PANK3: variants seen among roughly 807,000 people sequenced by gnomAD.
PANK3 encodes the protein hPanK3.
PANK3 carries 20 observed loss-of-function variants against 39.4 expected under a neutral mutation model. The ratio of observed to expected loss-of-function variants is 0.51; its 90% CI spans 0.36 to 0.74. The LOEUF is 0.74. PANK3 is among the 30% of genes least tolerant of loss of function. The pLI is 0.00. For synonymous variants in PANK3, 140 were observed against 157.3 expected (o/e 0.89, Z 0.82); for missense variants, 265 against 437.0 (o/e 0.61, Z 3.51).
At chr5:168,574,214 C>T (rs1469974705) in intron 1 of PANK3, among the ~76,000 whole-genome samples, 1 of 150,400 alleles carries the variant, frequency 6.6e-6, no homozygotes, top group East Asian at 1.9e-4. Context: ...GCCATTCTAA[C>T]TGGTGTGAGA....
At chr5:168,570,327 G>A (rs768925442) in intron 1 of PANK3, among the ~76,000 whole-genome samples, 3 of 151,060 alleles carry the variant, frequency 2.0e-5, no homozygotes, top group South Asian at 2.1e-4. Context: ...GGAGCTTGCA[G>A]TGAGCAGAGA....
At chr5:168,563,573 A>T (rs751791522) in intron 4 of PANK3, among the ~76,000 whole-genome samples, 1 of 150,832 alleles carries the variant, frequency 6.6e-6, no homozygotes. Flanking sequence ...GATACTTTAG[A>T]GTATATATAG....
In PANK3 at chr5:168,557,613, A is replaced by G. The variant is rs1237128049; in HGVS notation, c.1071T>C (p.Phe357=). The change falls in exon 7 of 7, where the codon TTT becomes TTC. Residue 357 remains phenylalanine (F), a synonymous_variant. Coordinates refer to ENST00000239231, the MANE Select transcript of PANK3 (RefSeq NM_024594.4). ...KALFLEHEGY[F]GAVGALLGLP... is the part of the protein sequence containing the mutation. ...GCCCAAGAAGTGCACCAACTGCTCC[A>G]AAGTAACCCTGTGTAATTTAAAAAT... 1.9e-6 allele frequency: 3 copies of G among 1,613,692 alleles called. No homozygotes were observed. The highest frequency in any genetic ancestry group is 2.5e-6 in the Non-Finnish European group (3 of 1,179,838).
Position 168,556,632 on chromosome 5 carries a change from G to C in PANK3, c.*939C>G, listed in dbSNP as rs1307517839. 6.6e-6 allele frequency: 1 copy of C among 152,546 alleles called. No individual in the cohort carries two copies. Among genetic ancestry groups the C allele is most frequent in the Non-Finnish European group, 1.5e-5 (1 of 68,034 alleles). 9.4% of individuals were successfully genotyped at this position (152,546 alleles called of 1,614,324 possible). A position where few individuals can be genotyped will look rare whatever the true frequency, so the allele number is the denominator to read the frequency against. On this transcript the variant is annotated 3_prime_UTR_variant, in exon 7 of 7. Transcript: ENST00000239231. ...ATTTCTGGCTCCTCAAACAGCAAAG[G>C]GTAATAATAAGGCATGGTAGAGGTT...
Position 168,568,874 on chromosome 5 carries a change from A to G in PANK3, c.153T>C (p.Tyr51=). The change falls in exon 2 of 7, where the codon TAT becomes TAC. Residue 51 remains tyrosine, a synonymous_variant. Coordinates refer to ENST00000239231, the MANE Select transcript of PANK3 (RefSeq NM_024594.4). ...EVESLKSIRK[Y]LTSNVAYGST... is the part of the protein sequence containing the mutation. ...ATCCATATGCCACGTTAGAAGTCAA[A>G]TATTTCCGAATACTTTTTAAACTCT... 6.2e-7 allele frequency: 1 copy of G among 1,613,656 alleles called. No individual in the cohort carries two copies. Among genetic ancestry groups the G allele is most frequent in the Non-Finnish European group, 8.5e-7 (1 of 1,179,826 alleles).
In PANK3 at chr5:168,550,348, A is replaced by G. The variant is rs1457252540; in HGVS notation, c.*7223T>C. The stretch of plus-strand genomic sequence containing the variant: ...GTATTTTCAACTTACGGTATTTTCA[A>G]TTTACAATGGGTCTACTGGAACATA... On this transcript the variant is annotated 3_prime_UTR_variant, in exon 7 of 7. Transcript: ENST00000239231. 6.6e-6 allele frequency: 1 copy of G among 152,188 alleles called. No homozygotes were observed. The highest frequency in any genetic ancestry group is 2.4e-5 in the African/African-American group (1 of 41,438). The allele number at this position is 152,188 out of a possible 1,614,324, so 9.4% of individuals were successfully genotyped here. A position where few individuals can be genotyped will look rare whatever the true frequency, so the allele number is the denominator to read the frequency against.
chr5:168,554,141 C>T lies in PANK3; in HGVS notation c.*3430G>A, dbSNP rs564392212. The T allele has an allele frequency of 2.0e-5, 3 of 152,266 alleles. No homozygotes were observed. In the East Asian group the frequency reaches 5.8e-4, roughly 29 times the overall value. 9.4% of individuals were successfully genotyped at this position (152,266 alleles called of 1,614,324 possible). ...TCTTTTGTATTTTTGATAGTGATTA[C>T]AAAGTTTTTCAGATTTTTATGTTGG... is the stretch of plus-strand genomic sequence containing the variant. On this transcript the variant is annotated 3_prime_UTR_variant, in exon 7 of 7. Transcript: ENST00000239231.
At chr5:168,578,346 A>G (rs1290770654) in intron 1 of PANK3, among the ~76,000 whole-genome samples, 2 of 152,196 alleles carry the variant, frequency 1.3e-5, no homozygotes, top group Non-Finnish European at 2.9e-5. Context: ...CCTGTTTTAT[A>G]GTTGTGGATT....
chr5:168,558,245 C>T (rs540487907), intron 6 of PANK3, among the ~76,000 whole-genome samples: 126 of 151,648 alleles, frequency 8.3e-4, no homozygotes, highest in Non-Finnish European at 7.1e-4. Flanking sequence ...CTGCAGGCTC[C>T]GCCCCCTGGG....
Position 168,579,356 on chromosome 5 carries a change from G to A in PANK3, c.-73C>T. 1.8e-5 allele frequency: 24 copies of A among 1,303,630 alleles called. No homozygotes were observed. Among genetic ancestry groups the A allele is most frequent in the Non-Finnish European group, 2.2e-5 (22 of 1,000,792 alleles). The allele number at this position is 1,303,630 out of a possible 1,614,324, so 80.8% of individuals were successfully genotyped here. A position where few individuals can be genotyped will look rare whatever the true frequency, so the allele number is the denominator to read the frequency against. On this transcript the variant is annotated 5_prime_UTR_variant, in exon 1 of 7. Coordinates refer to ENST00000239231, the MANE Select transcript of PANK3 (RefSeq NM_024594.4). The stretch of plus-strand genomic sequence containing the variant: ...GAGCAGAGGCGGCGACTCCGGAGGT[G>A]GCTGGGCCGCGCGGCGAGGCCCGGC...
At chr5:168,565,885 A>ATAT (rs1441027360) in intron 3 of PANK3, 128 bp downstream of exon 3, 64 of 194,630 alleles carry the variant, frequency 3.3e-4, no homozygotes, top group Non-Finnish European at 4.6e-4. Flanking sequence ...ATATATATAT[A>ATAT]TTTTTTTTTT....
At position 168,556,057 on chromosome 5, in the gene PANK3, G is replaced by C. The variant is rs1185328702; in HGVS notation, c.*1514C>G. On this transcript the variant is annotated 3_prime_UTR_variant, in exon 7 of 7. Transcript: ENST00000239231. ...TTTGCATTCGTTACTTCAAAATTCA[G>C]ACTCATCTACCTTTCCAAGTTAGAC... 1 of 152,194 alleles carries C rather than the reference G, an allele frequency of 6.6e-6. No individual in the cohort carries two copies. The highest frequency in any genetic ancestry group is 1.9e-4 in the East Asian group (1 of 5,190). 9.4% of individuals were successfully genotyped at this position (152,194 alleles called of 1,614,324 possible).
At chr5:168,576,485 C>T (rs927615298) in intron 1 of PANK3, among the ~76,000 whole-genome samples, 3 of 152,198 alleles carry the variant, frequency 2.0e-5, no homozygotes, top group Non-Finnish European at 4.4e-5. Flanking sequence ...CTCCTTCCTT[C>T]CCCTGGCGTT....
chr5:168,571,794 C>A (rs1349595048), intron 1 of PANK3, among the ~76,000 whole-genome samples: 1 of 152,038 alleles, frequency 6.6e-6, no homozygotes, highest in Non-Finnish European at 1.5e-5. Flanking sequence ...AAGGAGTAAT[C>A]CTCATTATCT....
rs1483239389 is a variant in PANK3, at chr5:168,566,234, T to C, written c.414A>G (p.Glu138=). The C allele has an allele frequency of 6.2e-7, 1 of 1,608,642 alleles. No individual in the cohort carries two copies. The part of the protein sequence containing the change: ...IGNLHLHKLD[E]LDCLVKGLLY... The stretch of plus-strand genomic sequence containing the variant: ...GCAAGCCCTTTACAAGGCAGTCAAG[T>C]TCATCCAGTTTGTGCAGGTGGAGGT... The change falls in exon 3 of 7, where the codon GAA becomes GAG. Residue 138 remains glutamate (E), a synonymous_variant. Transcript: ENST00000239231.
intron 1 of PANK3, among the ~76,000 whole-genome samples, chr5:168,577,237 A>G (rs1398944404): frequency 6.6e-6 from 1 of 151,942 alleles, no homozygotes; most frequent in East Asian, 1.9e-4. Context: ...CACACACAAA[A>G]CGTCATGTTC....
At chr5:168,560,128 T>C (rs991708814) in intron 5 of PANK3, among the ~76,000 whole-genome samples, 2 of 152,142 alleles carry the variant, frequency 1.3e-5, no homozygotes, top group African/African-American at 4.8e-5. Flanking sequence ...AATTTAGACA[T>C]AAAGGGCTAA....
intron 1 of PANK3, among the ~76,000 whole-genome samples, chr5:168,575,285 G>C (rs56318107): frequency 0.13 from 19,518 of 152,186 alleles, 1,748 homozygotes; most frequent in Non-Finnish European, 0.19. Context: ...CAAGGATGAA[G>C]TGCTATGTCT....
At chr5:168,569,032 T>G in intron 1 of PANK3, 34 bp from the exon 2 acceptor site, 1 of 112,504 alleles carries the variant, frequency 8.9e-6, no homozygotes, top group Non-Finnish European at 1.6e-5. Context: ...AAAAAAAAAA[T>G]ATATATATAT....
Sources: gnomAD v4.1 joint callset for allele counts (sites outside exome capture counted in the v4.1 genomes callset) on GRCh38, gnomAD v4.1.1 for gene constraint, MANE v1.5 for transcripts, NCBI Gene and HGNC (gene_info 2026-07-23, HGNC 2026-07-21) for gene names.